Variants in ESRRG observed in about 807,000 individuals in gnomAD.
ESRRG encodes estrogen-related receptor gamma.
A neutral mutation model predicts 44.0 loss-of-function variants in ESRRG; 13 were observed. The observed-to-expected ratio is 0.30, with a 90% CI of 0.19 to 0.47. The LOEUF is 0.47. ESRRG is among the 20% of genes least tolerant of loss of function. The pLI is 1.00. For synonymous variants in ESRRG, 215 were observed against 214.6 expected, an observed-to-expected ratio of 1.00 and a Z score of -0.02; for missense variants, 395 against 580.6, an observed-to-expected ratio of 0.68 and a Z score of 3.29.
At chr1:216,791,537 G>C (rs972402082) in intron 2 of ESRRG, among the ~76,000 whole-genome samples, 1 of 152,084 alleles carries the variant, frequency 6.6e-6, no homozygotes, top group Non-Finnish European at 1.5e-5. Context: ...TCTCTGAAAA[G>C]ATTCCTTGGA....
chr1:216,654,705 TG>T (rs2069990712), intron 2 of ESRRG, among the ~76,000 whole-genome samples: 1 of 150,904 alleles, frequency 6.6e-6, no homozygotes, highest in Non-Finnish European at 1.5e-5. Context: ...AAAAAAAGTG[TG>T]GCAAAAGGGG....
chr1:216,976,564 C>T (rs1157444012), intron 1 of ESRRG, among the ~76,000 whole-genome samples: 1 of 152,246 alleles, frequency 6.6e-6, no homozygotes, highest in Middle Eastern at 3.4e-3. Context: ...AATATCTTTT[C>T]AAAGCGATAT....
intron 2 of ESRRG, among the ~76,000 whole-genome samples, chr1:216,735,463 C>T (rs2089698970): frequency 6.6e-6 from 1 of 152,124 alleles, no homozygotes. Context: ...CAGCCTCAGC[C>T]TCCCAAATTG....
intron 2 of ESRRG, among the ~76,000 whole-genome samples, chr1:216,910,586 A>C (rs964732360): frequency 3.9e-5 from 6 of 152,204 alleles, no homozygotes; most frequent in African/African-American, 1.4e-4. Flanking sequence ...ACAGAGGATA[A>C]AAATTTGGCA....
At chr1:216,826,608 C>A (rs1200690082) in intron 2 of ESRRG, among the ~76,000 whole-genome samples, 1 of 152,102 alleles carries the variant, frequency 6.6e-6, no homozygotes, top group Non-Finnish European at 1.5e-5. Context: ...TTAATTTCAT[C>A]CCTATACTAA....
chr1:216,546,206 T>C (rs1045596593), intron 5 of ESRRG, among the ~76,000 whole-genome samples: 3 of 152,056 alleles, frequency 2.0e-5, no homozygotes, highest in African/African-American at 7.2e-5. Context: ...CAAAATATTG[T>C]CAGACATTAC....
intron 2 of ESRRG, among the ~76,000 whole-genome samples, chr1:216,844,505 C>T (rs868579802): frequency 6.6e-6 from 1 of 152,090 alleles, no homozygotes; most frequent in Non-Finnish European, 1.5e-5. Context: ...TTCGATTGCT[C>T]TCCAACCTGT....
At chr1:216,814,635 C>T (rs76526453) in intron 2 of ESRRG, among the ~76,000 whole-genome samples, 2,099 of 152,242 alleles carry the variant, frequency 0.014, 46 homozygotes, top group African/African-American at 0.048. Context: ...CTTTGAAATG[C>T]GCTTTTTGCT....
chr1:216,755,267 A>G (rs2092374033), intron 2 of ESRRG, among the ~76,000 whole-genome samples: 1 of 152,024 alleles, frequency 6.6e-6, no homozygotes, highest in African/African-American at 2.4e-5. Flanking sequence ...TTCCTCCCAG[A>G]GTGGTAGCAA....
chr1:216,849,826 C>G (rs1250654461), intron 2 of ESRRG, among the ~76,000 whole-genome samples: 3 of 152,036 alleles, frequency 2.0e-5, no homozygotes, highest in Non-Finnish European at 4.4e-5. Flanking sequence ...AATATTGAGC[C>G]ATCTATACTA....
intron 1 of ESRRG, among the ~76,000 whole-genome samples, chr1:217,116,076 A>T (rs533659974): frequency 3.9e-5 from 6 of 152,274 alleles, no homozygotes; most frequent in African/African-American, 1.4e-4. Flanking sequence ...ACAATAAAAG[A>T]TTTATTAGTG....
Position 216,503,528 on chromosome 1 carries a change from A to G in ESRRG, c.*3411T>C, listed in dbSNP as rs780854975. 1.3e-5 allele frequency: 2 copies of G among 152,444 alleles called. No homozygotes were observed. The highest frequency in any genetic ancestry group is 2.9e-5 in the Non-Finnish European group (2 of 67,992). 9.4% of individuals were successfully genotyped at this position (152,444 alleles called of 1,614,324 possible). A position where few individuals can be genotyped will look rare whatever the true frequency, so the allele number is the denominator to read the frequency against. On this transcript the variant is annotated 3_prime_UTR_variant, in exon 7 of 7. Transcript: ENST00000408911. The stretch of plus-strand genomic sequence containing the variant: ...TATTATTATTATTATTATTTTTACT[A>G]CTGGCTATAATGCAACTCCTGGATT...
intron 6 of ESRRG, among the ~76,000 whole-genome samples, chr1:216,512,013 G>A (rs1029634241): frequency 6.6e-5 from 10 of 151,992 alleles, no homozygotes; most frequent in Admixed American, 6.6e-4. Context: ...TGTAACACTG[G>A]TAACCAAATA....
chr1:216,757,561 AT>A (rs2092526192), intron 2 of ESRRG, among the ~76,000 whole-genome samples: 1 of 151,976 alleles, frequency 6.6e-6, no homozygotes, highest in African/African-American at 2.4e-5. Flanking sequence ...CTTGTTTGAG[AT>A]TTTACCCACA....
chr1:216,765,292 A>G (rs1331509497), intron 2 of ESRRG, among the ~76,000 whole-genome samples: 1 of 152,082 alleles, frequency 6.6e-6, no homozygotes, highest in Non-Finnish European at 1.5e-5. Context: ...CACTATTAAC[A>G]ACAATAATAA....
At chr1:216,568,265 C>T (rs2060041495) in intron 3 of ESRRG, among the ~76,000 whole-genome samples, 167 bp from the exon 4 acceptor site, 1 of 152,166 alleles carries the variant, frequency 6.6e-6, no homozygotes, top group South Asian at 2.1e-4. Flanking sequence ...ATCAAACTTG[C>T]CAGAGGTTGA....
At chr1:216,779,516 A>ATTTATATATATATTTAT (rs1491512408) in intron 2 of ESRRG, among the ~76,000 whole-genome samples, 1 of 36,792 alleles carries the variant, frequency 2.7e-5, no homozygotes, top group Non-Finnish European at 4.3e-5. Flanking sequence ...ATATATTTAT[A>ATTTATATATATATTTAT]AATATAAATA....
At chr1:216,554,461 A>G (rs951969499) in intron 5 of ESRRG, among the ~76,000 whole-genome samples, 1 of 151,782 alleles carries the variant, frequency 6.6e-6, no homozygotes, top group Non-Finnish European at 1.5e-5. Context: ...TCAAAAAAAA[A>G]AAAACAAACC....
At position 217,088,979 on chromosome 1, in the gene ESRRG, G is replaced by A. The variant is rs377645170; in HGVS notation, c.-106+528C>T. Among the ~76,000 whole-genome samples, 5 of 152,214 alleles carry A rather than the reference G, an allele frequency of 3.3e-5. 1 individual carries two copies. The highest frequency in any genetic ancestry group is 1.2e-4 in the African/African-American group (5 of 41,530). ...AGGTGAAAGGGTTGGGGAGAGAGAAGGGAGGGAAAGCAGCGTAGAGGACAG... is the reference window on the plus strand; with the variant it reads ...AGGTGAAAGGGTTGGGGAGAGAGAAAGGAGGGAAAGCAGCGTAGAGGACAG... On this transcript the variant is annotated intron_variant, in intron 1 of 7. Coordinates refer to the ESRRG transcript ENST00000359162.
Sources: allele counts gnomAD v4.1 joint callset (sites outside exome capture counted in the v4.1 genomes callset), GRCh38; gene constraint gnomAD v4.1.1; transcripts MANE v1.5; gene names NCBI Gene and HGNC (gene_info 2026-07-23, HGNC 2026-07-21).